Variants in XKR9 observed in about 807,000 individuals in gnomAD.
XKR9 encodes the protein XK related 9, also known as XK-related protein 9.
XKR9 carries 32 observed loss-of-function variants against 32.0 expected under a neutral mutation model. The ratio of observed to expected loss-of-function variants is 1.00; its 90% CI spans 0.76 to 1.34. The LOEUF (loss-of-function observed/expected upper bound fraction) is 1.34. Ranked by LOEUF, XKR9 falls within the 40% of genes most tolerant of loss-of-function variation. The pLI is 0.00. For missense variants in XKR9, 546 were observed against 429.7 expected, an observed-to-expected ratio of 1.27 and a Z score of -2.39; for synonymous variants, 168 against 143.4, an observed-to-expected ratio of 1.17 and a Z score of -1.22.
the XKR9 span, among the ~76,000 whole-genome samples, chr8:70,975,760 T>G: frequency 6.6e-6 from 1 of 152,304 alleles, no homozygotes; most frequent in Admixed American, 6.5e-5. Flanking sequence ...TTAAAGTAGT[T>G]TTTTCCAATT....
intron 4 of XKR9, among the ~76,000 whole-genome samples, chr8:70,724,160 C>G (rs1316495138): frequency 6.6e-6 from 1 of 152,184 alleles, no homozygotes; most frequent in African/African-American, 2.4e-5. Context: ...CCAGTCTGAA[C>G]TTCTGGGCTT....
chr8:71,021,498 CTTTTTT>C, the XKR9 span, among the ~76,000 whole-genome samples: 11 of 101,416 alleles, frequency 1.1e-4, no homozygotes, highest in African/African-American at 2.5e-4. Flanking sequence ...TTGATGGTTT[CTTTTTT>C]TTTTTTTTTT....
chr8:70,993,446 A>G, the XKR9 span, among the ~76,000 whole-genome samples: 1 of 152,060 alleles, frequency 6.6e-6, no homozygotes, highest in African/African-American at 2.4e-5. Context: ...CAAGTCTGTG[A>G]TTCCCCTGAC....
intron 3 of XKR9, among the ~76,000 whole-genome samples, chr8:70,704,539 A>G (rs1051512301): frequency 6.6e-6 from 1 of 152,160 alleles, no homozygotes; most frequent in African/African-American, 2.4e-5. Flanking sequence ...GGATGAGGAA[A>G]CCAAAGCACA....
the XKR9 span, among the ~76,000 whole-genome samples, chr8:71,050,274 G>A: frequency 1.8e-5 from 1 of 54,378 alleles, no homozygotes; most frequent in Non-Finnish European, 3.6e-5. Flanking sequence ...TAGATAGATA[G>A]ATATAGATAT....
chr8:70,738,939 A>G (rs1351847454), downstream of XKR9, among the ~76,000 whole-genome samples: 1 of 152,192 alleles, frequency 6.6e-6, no homozygotes, highest in East Asian at 1.9e-4. Flanking sequence ...AAAGAAATGT[A>G]TATTCTGTTG....
intron 2 of XKR9, among the ~76,000 whole-genome samples, chr8:70,769,069 G>GT (rs1480217775): frequency 6.6e-6 from 1 of 152,022 alleles, no homozygotes; most frequent in African/African-American, 2.4e-5. Flanking sequence ...GCTGGTACCT[G>GT]TTTTTTCTTT....
chr8:70,755,715 C>T (rs548220857), intron 2 of XKR9, among the ~76,000 whole-genome samples: 2 of 146,426 alleles, frequency 1.4e-5, no homozygotes, highest in South Asian at 4.4e-4. Context: ...ATAATGAGAA[C>T]CCATGGACAC....
the XKR9 span, among the ~76,000 whole-genome samples, chr8:70,844,299 A>G: frequency 2.6e-5 from 4 of 152,170 alleles, no homozygotes; most frequent in Admixed American, 2.6e-4. Context: ...GTACTTGCAT[A>G]TGCCATGAGG....
the XKR9 span, among the ~76,000 whole-genome samples, chr8:70,988,494 A>G: frequency 6.6e-6 from 1 of 152,162 alleles, no homozygotes; most frequent in African/African-American, 2.4e-5. Flanking sequence ...GTATGTGATG[A>G]AGGCAAGAAA....
the XKR9 span, among the ~76,000 whole-genome samples, chr8:70,954,405 C>T: frequency 2.0e-5 from 3 of 152,194 alleles, no homozygotes; most frequent in Non-Finnish European, 4.4e-5. Flanking sequence ...ACAGTGTCCT[C>T]CCTCCCTTCT....
chr8:70,968,838 G>C, the XKR9 span, among the ~76,000 whole-genome samples: 1 of 152,146 alleles, frequency 6.6e-6, no homozygotes, highest in Non-Finnish European at 1.5e-5. Flanking sequence ...TGTCCCAGTG[G>C]GGCACAGACC....
At chr8:70,918,698 A>G in the XKR9 span, among the ~76,000 whole-genome samples, 2 of 151,500 alleles carry the variant, frequency 1.3e-5, no homozygotes, top group Admixed American at 1.3e-4. Flanking sequence ...GTCTCAGAAA[A>G]CAAAAATAAA....
intron 2 of XKR9, among the ~76,000 whole-genome samples, chr8:70,751,447 C>G (rs538573635): frequency 3.4e-4 from 51 of 152,178 alleles, no homozygotes; most frequent in South Asian, 2.1e-3. Flanking sequence ...TTTTAGGTGT[C>G]AACTTGACTG....
intron 2 of XKR9, among the ~76,000 whole-genome samples, chr8:70,782,216 G>A (rs1229654908): frequency 6.6e-6 from 1 of 152,060 alleles, no homozygotes; most frequent in Non-Finnish European, 1.5e-5. Flanking sequence ...CTATTCTCGG[G>A]TTTAGTCTTT....
chr8:70,814,778 A>G, the XKR9 span, among the ~76,000 whole-genome samples: 1 of 152,258 alleles, frequency 6.6e-6, no homozygotes, highest in Admixed American at 6.5e-5. Flanking sequence ...AATAAGTGGT[A>G]TCCAAAGTGG....
the XKR9 span, among the ~76,000 whole-genome samples, chr8:70,850,220 G>C: frequency 6.6e-6 from 1 of 152,058 alleles, no homozygotes; most frequent in Non-Finnish European, 1.5e-5. Flanking sequence ...CCAGCACTTT[G>C]GGAGGCTGAG....
chr8:70,792,144 A>T (rs1807771993), downstream of XKR9, among the ~76,000 whole-genome samples: 3 of 152,180 alleles, frequency 2.0e-5, no homozygotes, highest in Non-Finnish European at 4.4e-5. Context: ...TTGGAACACT[A>T]ATCATGCAGA....
intron 4 of XKR9, among the ~76,000 whole-genome samples, chr8:70,718,308 AT>A (rs1806158810): frequency 1.5e-5 from 2 of 135,452 alleles, no homozygotes; most frequent in African/African-American, 5.1e-5. Context: ...TTTATTATTT[AT>A]TTATTTTTGT....
Sources: allele counts gnomAD v4.1 joint callset (sites outside exome capture counted in the v4.1 genomes callset), GRCh38; gene constraint gnomAD v4.1.1; transcripts MANE v1.5; gene names NCBI Gene and HGNC (gene_info 2026-07-23, HGNC 2026-07-21).